The following DPP6 variants were observed in gnomAD, a reference collection of about 807,000 sequenced individuals.
DPP6 encodes the protein A-type potassium channel modulatory protein DPP6.
In DPP6, 69 loss-of-function variants were observed where a neutral mutation model predicts 122.6. The ratio of observed to expected loss-of-function variants is 0.56; its 90% CI spans 0.46 to 0.69. The LOEUF is 0.69. Among genes scored for constraint, DPP6 ranks in the 30% least tolerant of loss-of-function variants. The probability of loss-of-function intolerance (pLI) is 0.00; values close to 1 mark genes in which losing one functional copy is unlikely to be tolerated. For synonymous variants in DPP6, 418 were observed against 433.1 expected (o/e 0.97, Z 0.43); for missense variants, 928 against 1,116.9 (o/e 0.83, Z 2.41).
At chr7:153,923,104 A>G (rs1800717404) in intron 1 of DPP6, among the ~76,000 whole-genome samples, 1 of 152,260 alleles carries the variant, frequency 6.6e-6, no homozygotes, top group African/African-American at 2.4e-5. Flanking sequence ...TGGTGAAACC[A>G]GCTGCCGCCA....
intron 7 of DPP6, among the ~76,000 whole-genome samples, chr7:154,699,935 C>T (rs938584046): frequency 6.6e-6 from 1 of 152,182 alleles, no homozygotes; most frequent in Admixed American, 6.5e-5. Context: ...TGGGTCCAAA[C>T]CCTGGCTCCT....
chr7:153,748,172 T>G, the DPP6 span, among the ~76,000 whole-genome samples: 25 of 152,322 alleles, frequency 1.6e-4, no homozygotes, highest in South Asian at 6.2e-4. Flanking sequence ...GTGCAGCCTG[T>G]GCTAACGAGC....
chr7:154,186,680 A>G (rs1277141981), intron 1 of DPP6, among the ~76,000 whole-genome samples: 1 of 152,250 alleles, frequency 6.6e-6, no homozygotes, highest in African/African-American at 2.4e-5. Flanking sequence ...TCACCAACAC[A>G]GTCCAGATGA....
At chr7:153,807,982 G>T in the DPP6 span, among the ~76,000 whole-genome samples, 1 of 151,930 alleles carries the variant, frequency 6.6e-6, no homozygotes, top group Non-Finnish European at 1.5e-5. Flanking sequence ...TTCTCCAGGT[G>T]GCAGCCTGCA....
At chr7:154,593,313 G>A (rs1003312567) in intron 5 of DPP6, among the ~76,000 whole-genome samples, 67 of 152,310 alleles carry the variant, frequency 4.4e-4, no homozygotes, top group Non-Finnish European at 8.2e-4. Flanking sequence ...CTGAATAATC[G>A]TGCATTTTGC....
chr7:153,799,363 G>C, the DPP6 span, among the ~76,000 whole-genome samples: 1 of 152,146 alleles, frequency 6.6e-6, no homozygotes, highest in Admixed American at 6.5e-5. Context: ...TAAGGAATTT[G>C]TACGATGAAG....
chr7:154,243,679 C>T (rs1801794977), intron 1 of DPP6, among the ~76,000 whole-genome samples: 1 of 151,928 alleles, frequency 6.6e-6, no homozygotes, highest in Admixed American at 6.6e-5. Flanking sequence ...CCTGTAGTCC[C>T]AGCTACTCAG....
At chr7:154,465,975 A>G (rs1821745717) in intron 2 of DPP6, among the ~76,000 whole-genome samples, 1 of 152,232 alleles carries the variant, frequency 6.6e-6, no homozygotes, top group Non-Finnish European at 1.5e-5. Flanking sequence ...CATCAATGTT[A>G]GACTGGATAA....
Position 154,863,933 on chromosome 7 carries a change from G to A in DPP6, c.1715-4062G>A, listed in dbSNP as rs1192459180. 6.6e-6 allele frequency among the ~76,000 whole-genome samples: 1 copy of A among 152,184 alleles called. No homozygotes were observed. On this transcript the variant is annotated intron_variant, in intron 17 of 25. Coordinates refer to ENST00000377770, the MANE Select transcript of DPP6 (RefSeq NM_130797.4). This position sits in a 1 kb window ranked among gnomAD's most constrained non-coding sequence, Gnocchi z 4.1. Reference sequence around the variant, plus strand: ...ATATGACTAATGGCCTAGCCCTGGGGTAAGCGGACGGCAGCTGCAAGAGCA... The same window carrying A: ...ATATGACTAATGGCCTAGCCCTGGGATAAGCGGACGGCAGCTGCAAGAGCA...
rs1795616197 is a variant in DPP6 at position 154,137,494 on chromosome 7, A to G, written c.243+84431A>G. The stretch of plus-strand genomic sequence containing the variant: ...TTGAAAAATGGTATTTCTATAAAAA[A>G]TTGGAATCTGTGAAGACAGGGTTAC... On this transcript the variant is annotated intron_variant, in intron 1 of 25. Transcript: ENST00000377770. Among the ~76,000 whole-genome samples the G allele has an allele frequency of 2.6e-5, 4 of 151,878 alleles. No individual in the cohort carries two copies. In the South Asian group the frequency reaches 8.4e-4, roughly 32 times the overall value.
At chr7:154,655,966 G>A (rs529886532) in intron 6 of DPP6, among the ~76,000 whole-genome samples, 8 of 152,134 alleles carry the variant, frequency 5.3e-5, no homozygotes, top group South Asian at 2.1e-4. Flanking sequence ...CTAGGGCTGC[G>A]GTGAGAAATC....
chr7:154,494,745 C>T (rs934597562), intron 3 of DPP6, among the ~76,000 whole-genome samples: 2 of 152,108 alleles, frequency 1.3e-5, no homozygotes, highest in Non-Finnish European at 2.9e-5. Context: ...GCCCAGTGAT[C>T]CCCAACCCAC....
intron 1 of DPP6, among the ~76,000 whole-genome samples, chr7:153,984,770 T>G (rs1374412495): frequency 6.6e-6 from 1 of 152,226 alleles, no homozygotes; most frequent in Non-Finnish European, 1.5e-5. Flanking sequence ...TTTGAAACTT[T>G]TTATATGTGG....
intron 3 of DPP6, among the ~76,000 whole-genome samples, chr7:154,505,453 C>A (rs1412535209): frequency 6.6e-6 from 1 of 152,136 alleles, no homozygotes; most frequent in Admixed American, 6.5e-5. Flanking sequence ...CACCTAATGT[C>A]CCCTTTATCT....
intron 6 of DPP6, among the ~76,000 whole-genome samples, chr7:154,668,203 A>ATATATATATATATATATATGTGTG (rs1838300184): frequency 1.1e-5 from 1 of 94,200 alleles, no homozygotes; most frequent in African/African-American, 3.3e-5. Flanking sequence ...TATTTTATAT[A>ATATATATATATATATATATGTGTG]TATATATATA....
At chr7:154,460,751 C>G (rs1348581458) in intron 2 of DPP6, among the ~76,000 whole-genome samples, 1 of 152,098 alleles carries the variant, frequency 6.6e-6, no homozygotes, top group Non-Finnish European at 1.5e-5. Context: ...TTATGGGACA[C>G]ATGACACATT....
rs201632297 is a variant in DPP6, at chr7:154,502,339, TA to T, written c.457+27303del. 9.5e-3 allele frequency among the ~76,000 whole-genome samples: 1,445 copies of T among 152,090 alleles called. 13 individuals are homozygous for T. Among genetic ancestry groups the T allele is most frequent in the African/African-American group, 0.031 (1,299 of 41,474 alleles). ...TGAGCACATGAGATTTGGGAGGGGC[TA>T]GGGGTGGAATGATATGATTTGGCTC... On this transcript the variant is annotated intron_variant, in intron 3 of 25. Coordinates refer to ENST00000377770, the MANE Select transcript of DPP6 (RefSeq NM_130797.4).
chr7:153,934,458 AG>A (rs1232036923), intron 1 of DPP6, among the ~76,000 whole-genome samples: 1 of 152,156 alleles, frequency 6.6e-6, no homozygotes, highest in African/African-American at 2.4e-5. Flanking sequence ...CCAGCATTTG[AG>A]GTTCTCTTCC....
chr7:154,741,071 G>A (rs1030321271), intron 8 of DPP6, among the ~76,000 whole-genome samples: 2 of 152,184 alleles, frequency 1.3e-5, no homozygotes, highest in Non-Finnish European at 2.9e-5. Flanking sequence ...CATACCCTTC[G>A]TCACTCGTTC....
Sources: gnomAD v4.1 joint callset for allele counts (sites outside exome capture counted in the v4.1 genomes callset) on GRCh38, gnomAD v4.1.1 for gene constraint, Gnocchi (gnomAD v3.1) non-coding constraint, MANE v1.5 for transcripts, NCBI Gene and HGNC (gene_info 2026-07-23, HGNC 2026-07-21) for gene names.